CDH20: variants seen among roughly 807,000 people sequenced by gnomAD.
CDH20 encodes the protein cadherin 20, also known as cadherin-20.
A neutral mutation model predicts 74.2 loss-of-function variants in CDH20; 29 were observed. The observed-to-expected ratio is 0.39, with a 90% CI of 0.29 to 0.53. The LOEUF (loss-of-function observed/expected upper bound fraction) is 0.53, where lower values mean the gene tolerates loss of function less well. Ranked by LOEUF, CDH20 falls within the 20% of genes least tolerant of loss-of-function variation. The pLI, the probability that CDH20 is intolerant of heterozygous loss-of-function variation, is 0.69. For synonymous variants in CDH20, 469 were observed against 405.4 expected (o/e 1.16, Z -1.88); for missense variants, 988 against 1,048.3 (o/e 0.94, Z 0.79).
intron 1 of CDH20, among the ~76,000 whole-genome samples, chr18:61,438,474 C>T (rs1478563183): frequency 6.6e-6 from 1 of 152,138 alleles, no homozygotes; most frequent in African/African-American, 2.4e-5. Flanking sequence ...AATAAATCCA[C>T]AGGATACACT....
chr18:61,422,939 G>A (rs972412219), intron 1 of CDH20, among the ~76,000 whole-genome samples: 7 of 152,094 alleles, frequency 4.6e-5, no homozygotes, highest in South Asian at 2.1e-4. Flanking sequence ...TGTTTATAAC[G>A]GAATTCTCTT....
chr18:61,393,601 A>G (rs973385192), intron 1 of CDH20, among the ~76,000 whole-genome samples: 1 of 152,224 alleles, frequency 6.6e-6, no homozygotes, highest in Admixed American at 6.5e-5. Flanking sequence ...AATTGTGTAT[A>G]GCTGTAGGCA....
intron 1 of CDH20, among the ~76,000 whole-genome samples, chr18:61,369,461 T>C (rs769690957): frequency 2.0e-5 from 3 of 152,160 alleles, no homozygotes; most frequent in Non-Finnish European, 4.4e-5. Flanking sequence ...TTGATTACTA[T>C]ATACTGAGCA....
intron 1 of CDH20, among the ~76,000 whole-genome samples, chr18:61,471,210 G>A (rs112887372): frequency 1.3e-5 from 2 of 152,260 alleles, no homozygotes; most frequent in African/African-American, 4.8e-5. Context: ...AATGTTTGTA[G>A]ATAAGGTCAC....
At chr18:61,415,967 A>AG in intron 1 of CDH20, among the ~76,000 whole-genome samples, 1 of 152,244 alleles carries the variant, frequency 6.6e-6, no homozygotes, top group East Asian at 1.9e-4. Flanking sequence ...TAGTCTGCTT[A>AG]GCCTAATTGT....
At chr18:61,538,596 G>GTTGTTTTT (rs1912899197) in intron 8 of CDH20, among the ~76,000 whole-genome samples, 2 of 24,518 alleles carry the variant, frequency 8.2e-5, no homozygotes, top group Non-Finnish European at 1.9e-4. Flanking sequence ...TTGTTTGTTT[G>GTTGTTTTT]TTTTTGTTTT....
intron 1 of CDH20, among the ~76,000 whole-genome samples, chr18:61,411,733 A>G (rs1912515885): frequency 6.6e-6 from 1 of 152,110 alleles, no homozygotes; most frequent in African/African-American, 2.4e-5. Context: ...ATTGGAGACT[A>G]TTATTCTAAG....
At position 61,333,727 on chromosome 18, in the gene CDH20, G is replaced by C. The variant is rs1012279960; in HGVS notation, c.-253G>C. The C allele has an allele frequency of 5.9e-5, 9 of 152,994 alleles. No individual in the cohort carries two copies. Among genetic ancestry groups the C allele is most frequent in the African/African-American group, 2.2e-4 (9 of 41,458 alleles). The allele number at this position is 152,994 out of a possible 1,614,324, so 9.5% of individuals were successfully genotyped here. On this transcript the variant is annotated 5_prime_UTR_variant, in exon 1 of 12. Transcript: ENST00000262717. ...GCGAGCAGGGGTGAAGAGACCCAGC[G>C]GGGCACCAGCCGCCCAGTGGGGGAG... is the stretch of plus-strand genomic sequence containing the variant.
chr18:61,450,802 C>A (rs1909360939), intron 1 of CDH20, among the ~76,000 whole-genome samples: 1 of 152,040 alleles, frequency 6.6e-6, no homozygotes, highest in Admixed American at 6.6e-5. Flanking sequence ...AAACATTGAT[C>A]TCCAGCTTTA....
chr18:61,461,217 C>T (rs888238124), intron 1 of CDH20, among the ~76,000 whole-genome samples: 6 of 149,862 alleles, frequency 4.0e-5, no homozygotes, highest in African/African-American at 1.2e-4. Flanking sequence ...TATAAAACTA[C>T]AGAACTCATT....
intron 9 of CDH20, among the ~76,000 whole-genome samples, chr18:61,542,866 G>C (rs1913090928): frequency 6.6e-6 from 1 of 152,102 alleles, no homozygotes; most frequent in South Asian, 2.1e-4. Flanking sequence ...TTAACAATCA[G>C]CTATCACAGG....
chr18:61,366,947 C>T lies in CDH20; in HGVS notation c.-153+33120C>T, dbSNP rs151241868. ...AGAATATACGATGAATATATTAGGGCGCAAACAGGTAAAATCAATTCCTAA... is the reference window on the plus strand; with the variant it reads ...AGAATATACGATGAATATATTAGGGTGCAAACAGGTAAAATCAATTCCTAA... On this transcript the variant is annotated intron_variant, in intron 1 of 11. Coordinates refer to ENST00000262717, the MANE Select transcript of CDH20 (RefSeq NM_031891.4). Among the ~76,000 whole-genome samples, 624 of 152,148 alleles carry T rather than the reference C, an allele frequency of 4.1e-3. 5 individuals are homozygous for T. Among genetic ancestry groups the T allele is most frequent in the African/African-American group, 0.014 (595 of 41,510 alleles).
intron 1 of CDH20, among the ~76,000 whole-genome samples, chr18:61,393,221 A>G (rs573249465): frequency 1.0e-3 from 153 of 152,064 alleles, no homozygotes; most frequent in African/African-American, 3.5e-3. Context: ...AAGATCAACT[A>G]CCCCTTCATC....
At chr18:61,540,312 T>C (rs1446244340) in intron 9 of CDH20, among the ~76,000 whole-genome samples, 1 of 152,214 alleles carries the variant, frequency 6.6e-6, no homozygotes, top group East Asian at 1.9e-4. Flanking sequence ...GCATTGGTAA[T>C]TCTGGCCCCT....
At chr18:61,414,154 C>T (rs760356137) in intron 1 of CDH20, among the ~76,000 whole-genome samples, 3 of 152,026 alleles carry the variant, frequency 2.0e-5, no homozygotes, top group Non-Finnish European at 4.4e-5. Flanking sequence ...TACCAAATGT[C>T]GATGTGGTTG....
chr18:61,433,142 GTTAT>G (rs1164888881), intron 1 of CDH20, among the ~76,000 whole-genome samples: 3 of 152,150 alleles, frequency 2.0e-5, no homozygotes, highest in South Asian at 2.1e-4. Context: ...TAAATGGTGT[GTTAT>G]TTATTATTAT....
At chr18:61,448,150 G>C (rs1368276349) in intron 1 of CDH20, among the ~76,000 whole-genome samples, 1 of 152,192 alleles carries the variant, frequency 6.6e-6, no homozygotes, top group East Asian at 1.9e-4. Context: ...AGAACACAAT[G>C]CTTGGCCTAG....
At chr18:61,405,610 T>A (rs12956834) in intron 1 of CDH20, among the ~76,000 whole-genome samples, 30,157 of 151,874 alleles carry the variant, frequency 0.2, 3,249 homozygotes, top group Middle Eastern at 0.31. Flanking sequence ...AAAATAAATT[T>A]TAAAAAACTA....
chr18:61,542,567 ATCACATTAATTAG>A (rs545703829), intron 9 of CDH20, among the ~76,000 whole-genome samples: 150 of 152,350 alleles, frequency 9.8e-4, no homozygotes, highest in African/African-American at 3.1e-3. Context: ...CCCGTATACT[ATCACATTAATTAG>A]TCACTGGATG....
Sources: allele counts gnomAD v4.1 joint callset (sites outside exome capture counted in the v4.1 genomes callset), GRCh38; gene constraint gnomAD v4.1.1; transcripts MANE v1.5; gene names NCBI Gene and HGNC (gene_info 2026-07-23, HGNC 2026-07-21).